The following TMBIM4 variants were observed in gnomAD, a reference collection of about 807,000 sequenced individuals.
TMBIM4 encodes the protein transmembrane BAX inhibitor motif containing 4, also known as protein lifeguard 4.
A neutral mutation model predicts 27.7 loss-of-function variants in TMBIM4; 28 were observed. That is an observed-to-expected ratio of 1.01 (90% CI 0.75 to 1.38). The LOEUF (loss-of-function observed/expected upper bound fraction) is 1.38. TMBIM4 is among the 40% of genes most tolerant of loss of function. TMBIM4 has a pLI of 0.00. For missense variants in TMBIM4, 265 were observed against 277.5 expected (o/e 0.95, Z 0.32); for synonymous variants, 115 against 113.1 (o/e 1.02, Z -0.11).
At chr12:66,155,686 C>T (rs970294858) in intron 1 of TMBIM4, among the ~76,000 whole-genome samples, 13 of 152,014 alleles carry the variant, frequency 8.6e-5, no homozygotes, top group Admixed American at 8.5e-4. Context: ...ATAACTCAAA[C>T]CCAATCCATA....
chr12:66,155,335 T>TGAGAGAGAGA (rs71697123), intron 1 of TMBIM4, among the ~76,000 whole-genome samples: 23 of 131,714 alleles, frequency 1.7e-4, no homozygotes, highest in East Asian at 4.7e-4. Flanking sequence ...TGCACACGTG[T>TGAGAGAGAGA]GAGAGAGAGA....
chr12:66,148,198 CTA>C (rs1161370007), intron 3 of TMBIM4, among the ~76,000 whole-genome samples: 2 of 152,056 alleles, frequency 1.3e-5, no homozygotes, highest in Non-Finnish European at 2.9e-5. Context: ...AACAGGAAGA[CTA>C]TAAATATAGA....
intron 5 of TMBIM4, among the ~76,000 whole-genome samples, chr12:66,140,945 G>C (rs781326477): frequency 3.9e-5 from 6 of 152,036 alleles, no homozygotes; most frequent in South Asian, 2.1e-4. Flanking sequence ...CTTCTTGTCA[G>C]AAACTACATA....
At chr12:66,167,325 G>A (rs967460524) in intron 1 of TMBIM4, among the ~76,000 whole-genome samples, 7 of 152,188 alleles carry the variant, frequency 4.6e-5, no homozygotes, top group Non-Finnish European at 7.3e-5. Flanking sequence ...GGTACAGAAC[G>A]TTATTAGTGC....
At chr12:66,153,215 G>A (rs2051877838) in intron 2 of TMBIM4, 125 bp downstream of exon 2, 1 of 631,160 alleles carries the variant, frequency 1.6e-6, no homozygotes, top group East Asian at 3.2e-5. Flanking sequence ...GCTTATAAGA[G>A]TAAATGAACC....
chr12:66,137,820 A>C lies in TMBIM4; in HGVS notation c.*140T>G. Reference sequence around the variant, plus strand: ...TCAAAATTACATATGATACAAATAAAGATTGTAACAGTATTTAATCATTGT... The same window carrying C: ...TCAAAATTACATATGATACAAATAACGATTGTAACAGTATTTAATCATTGT... On this transcript the variant is annotated 3_prime_UTR_variant, in exon 7 of 7. Transcript: ENST00000358230. 1.6e-6 allele frequency: 1 copy of C among 636,158 alleles called. No individual in the cohort carries two copies. 39.4% of individuals were successfully genotyped at this position (636,158 alleles called of 1,614,324 possible).
In TMBIM4 at chr12:66,156,749, T is replaced by C. The variant is rs535249736; in HGVS notation, c.98-3301A>G. On this transcript the variant is annotated intron_variant, in intron 1 of 6. Transcript: ENST00000358230. ...CTTCCTCACCATGCTTTACCCACAT[T>C]AGTCACTTTCCCGCTTCAGGGCCTT... is the stretch of plus-strand genomic sequence containing the variant. 2.0e-5 allele frequency among the ~76,000 whole-genome samples: 3 copies of C among 152,294 alleles called. No homozygotes were observed. In the East Asian group the frequency reaches 5.8e-4, roughly 29 times the overall value.
intron 5 of TMBIM4, among the ~76,000 whole-genome samples, chr12:66,142,066 A>AAAAT (rs951432987): frequency 7.2e-5 from 11 of 152,276 alleles, no homozygotes; most frequent in East Asian, 3.9e-4. Context: ...ATACCATTAA[A>AAAAT]AAATAAATAA....
chr12:66,162,023 A>C (rs1037479352), intron 1 of TMBIM4, among the ~76,000 whole-genome samples: 15 of 152,276 alleles, frequency 9.9e-5, no homozygotes, highest in African/African-American at 3.6e-4. Flanking sequence ...TTTAATTTTC[A>C]GACCCTTAAA....
At position 66,138,092 on chromosome 12, in the gene TMBIM4, G is replaced by A. The variant is rs760186727; in HGVS notation, c.585C>T (p.Ile195=). 1 of 1,614,028 alleles carries A rather than the reference G, an allele frequency of 6.2e-7. No individual in the cohort carries two copies. The highest frequency in any genetic ancestry group is 1.1e-5 in the South Asian group (1 of 91,084). The change falls in exon 7 of 7, where the codon ATC becomes ATT. Residue 195 remains isoleucine, a synonymous_variant. Coordinates refer to ENST00000358230, the MANE Select transcript of TMBIM4 (RefSeq NM_016056.4). ...AGALLFCGFI[I]YDTHSLMHKL... ...TATGCATCAGTGAGTGTGTGTCATA[G>A]ATGATGAATCCACAGAAAAGAAGGG...
At chr12:66,163,456 T>G (rs1229120537) in intron 1 of TMBIM4, among the ~76,000 whole-genome samples, 3 of 152,054 alleles carry the variant, frequency 2.0e-5, no homozygotes, top group Non-Finnish European at 4.4e-5. Flanking sequence ...CTCAGGAAAC[T>G]TACAATCATG....
At chr12:66,164,099 GA>G (rs1204890362) in intron 1 of TMBIM4, among the ~76,000 whole-genome samples, 1 of 152,118 alleles carries the variant, frequency 6.6e-6, no homozygotes, top group African/African-American at 2.4e-5. Context: ...AACTGATGCA[GA>G]AAAAGCTTTT....
intron 1 of TMBIM4, 146 bp downstream of exon 1, chr12:66,169,709 C>A (rs2052202052): frequency 1.8e-6 from 1 of 553,512 alleles, no homozygotes; most frequent in East Asian, 3.5e-5. Context: ...TCCTCTGGTA[C>A]CCGGAGAAGG....
Position 66,147,947 on chromosome 12 carries a change from G to A in TMBIM4, c.313-6C>T. On this transcript the variant is annotated splice_polypyrimidine_tract_variant and splice_region_variant and intron_variant, in intron 3 of 6. Transcript: ENST00000358230. Reference sequence around the variant, plus strand: ...GTCAGAGCTTCCAACAGCGTCTAATGAAAAGAAACTTAAATTAGTGACTGT... The same window carrying A: ...GTCAGAGCTTCCAACAGCGTCTAATAAAAAGAAACTTAAATTAGTGACTGT... 6.2e-7 allele frequency: 1 copy of A among 1,610,132 alleles called. No homozygotes were observed. The highest frequency in any genetic ancestry group is 1.3e-5 in the African/African-American group (1 of 74,914).
intron 5 of TMBIM4, among the ~76,000 whole-genome samples, chr12:66,141,508 AAT>A (rs1371609278): frequency 1.3e-5 from 2 of 152,098 alleles, no homozygotes; most frequent in African/African-American, 4.8e-5. Context: ...AAATGGACTA[AAT>A]ACACTAACTA....
At chr12:66,158,447 T>C (rs1028816946) in intron 1 of TMBIM4, among the ~76,000 whole-genome samples, 14 of 151,908 alleles carry the variant, frequency 9.2e-5, no homozygotes, top group African/African-American at 3.4e-4. Context: ...AAGACCATCC[T>C]GGCCAACATG....
intron 1 of TMBIM4, among the ~76,000 whole-genome samples, chr12:66,158,175 G>A (rs1314635881): frequency 3.5e-5 from 5 of 144,846 alleles, no homozygotes; most frequent in African/African-American, 1.0e-4. Context: ...GCAGTGAGCC[G>A]AGATTGCACC....
chr12:66,146,587 C>A (rs2051755854), intron 4 of TMBIM4, among the ~76,000 whole-genome samples: 1 of 152,070 alleles, frequency 6.6e-6, no homozygotes, highest in South Asian at 2.1e-4. Context: ...GAATATATGC[C>A]AAATTCCTTT....
intron 6 of TMBIM4, 186 bp from the exon 7 acceptor site, chr12:66,138,352 G>C: frequency 1.2e-6 from 1 of 843,076 alleles, no homozygotes; most frequent in Non-Finnish European, 1.4e-6. Context: ...ATGGAAGGAT[G>C]AATGAGTGGT....
Sources: allele counts gnomAD v4.1 joint callset (sites outside exome capture counted in the v4.1 genomes callset), GRCh38; gene constraint gnomAD v4.1.1; transcripts MANE v1.5; gene names NCBI Gene and HGNC (gene_info 2026-07-23, HGNC 2026-07-21).